NEK11: variants seen among roughly 807,000 people sequenced by gnomAD.
NEK11 encodes the protein NIMA related kinase 11.
Under a neutral mutation model 80.7 loss-of-function variants are expected in NEK11, and 72 were observed. The observed-to-expected ratio is 0.89, with a 90% CI of 0.74 to 1.08. The LOEUF (loss-of-function observed/expected upper bound fraction) is 1.08, where lower values mean the gene tolerates loss of function less well. Ranked by LOEUF, NEK11 falls within the 50% of genes least tolerant of loss-of-function variation. The pLI is 0.00. For synonymous variants in NEK11, 251 were observed against 260.7 expected, an observed-to-expected ratio of 0.96 and a Z score of 0.36; for missense variants, 764 against 763.6, an observed-to-expected ratio of 1.00 and a Z score of -0.01.
In NEK11 at chr3:131,151,741, C is replaced by T. The variant is rs536561544; in HGVS notation, c.648-647C>T. Among the ~76,000 whole-genome samples, 64 of 151,146 alleles carry T rather than the reference C, an allele frequency of 4.2e-4. No homozygotes were observed. The South Asian group carries it at 0.012, about 27-fold the overall frequency. The stretch of plus-strand genomic sequence containing the variant: ...ATGTAGAGTTATTTAAAATATTTTC[C>T]GGCTGGTTTAGAGGTTATTGATTTG... On this transcript the variant is annotated intron_variant, in intron 7 of 17. Transcript: ENST00000383366.
At chr3:131,061,904 C>T (rs540687187) in intron 3 of NEK11, among the ~76,000 whole-genome samples, 6 of 152,276 alleles carry the variant, frequency 3.9e-5, no homozygotes, top group African/African-American at 7.2e-5. Flanking sequence ...TCTTGAGGCC[C>T]CTCATTCTTG....
intron 5 of NEK11, among the ~76,000 whole-genome samples, chr3:131,131,213 A>G (rs2084413392): frequency 6.6e-6 from 1 of 152,184 alleles, no homozygotes; most frequent in African/African-American, 2.4e-5. Context: ...TTTGGTTTTA[A>G]TGTTAGGATG....
chr3:131,242,012 T>C (rs1276686987), intron 15 of NEK11, among the ~76,000 whole-genome samples: 1 of 152,160 alleles, frequency 6.6e-6, no homozygotes, highest in African/African-American at 2.4e-5. Flanking sequence ...CCTTCAGATA[T>C]GATAGTTTTT....
At chr3:131,232,057 A>G (rs1488682698) in intron 15 of NEK11, among the ~76,000 whole-genome samples, 1 of 152,162 alleles carries the variant, frequency 6.6e-6, no homozygotes, top group Non-Finnish European at 1.5e-5. Context: ...AGTTTTATTA[A>G]GCACCTAATT....
chr3:131,071,579 G>C (rs2148924645), intron 3 of NEK11, among the ~76,000 whole-genome samples: 2 of 151,894 alleles, frequency 1.3e-5, no homozygotes, highest in South Asian at 4.2e-4. Flanking sequence ...TAATAATTTT[G>C]AATTCTGATG....
chr3:131,132,968 C>G lies in NEK11; in HGVS notation c.520+159C>G, dbSNP rs76787052. 0.014 allele frequency among the ~76,000 whole-genome samples: 2,156 copies of G among 152,040 alleles called. 48 individuals carry two copies. The highest frequency in any genetic ancestry group is 0.05 in the African/African-American group (2,060 of 41,502). On this transcript the variant is annotated intron_variant, in intron 6 of 17. Coordinates refer to ENST00000383366, the MANE Select transcript of NEK11 (RefSeq NM_024800.5). ...AGTACATGTGCTGCTGAAATGAACA[C>G]TAAATTTCTCAGGTTTCTAGATGGG...
chr3:131,067,505 G>A (rs879842351), intron 3 of NEK11, among the ~76,000 whole-genome samples: 7 of 152,008 alleles, frequency 4.6e-5, no homozygotes, highest in African/African-American at 1.2e-4. Context: ...AATACCCCTC[G>A]TAATAGGCAA....
chr3:131,347,291 G>C (rs1469269771), intron 17 of NEK11, among the ~76,000 whole-genome samples: 1 of 152,180 alleles, frequency 6.6e-6, no homozygotes, highest in Non-Finnish European at 1.5e-5. Context: ...GTAAAATGAA[G>C]ACAAATGTTC....
chr3:131,337,060 T>C (rs2097197575), intron 17 of NEK11, among the ~76,000 whole-genome samples: 1 of 152,164 alleles, frequency 6.6e-6, no homozygotes, highest in Non-Finnish European at 1.5e-5. Flanking sequence ...AGTGTGGCAA[T>C]TCCTCAGGCA....
At chr3:131,157,490 A>C (rs2090871575) in intron 10 of NEK11, among the ~76,000 whole-genome samples, 1 of 152,160 alleles carries the variant, frequency 6.6e-6, no homozygotes, top group Non-Finnish European at 1.5e-5. Flanking sequence ...GCTGCAACAA[A>C]AATATCTACT....
At chr3:131,117,958 C>G (rs546122609) in intron 5 of NEK11, among the ~76,000 whole-genome samples, 1 of 152,168 alleles carries the variant, frequency 6.6e-6, no homozygotes, top group East Asian at 1.9e-4. Flanking sequence ...GATTGAATAC[C>G]CTTTATTTCT....
chr3:131,048,484 T>C (rs2067792063), intron 3 of NEK11, among the ~76,000 whole-genome samples: 1 of 152,246 alleles, frequency 6.6e-6, no homozygotes, highest in African/African-American at 2.4e-5. Context: ...CTGCTGCTTC[T>C]ACACCTGTAT....
At chr3:131,092,654 C>T (rs1017737586) in intron 4 of NEK11, among the ~76,000 whole-genome samples, 7 of 152,114 alleles carry the variant, frequency 4.6e-5, no homozygotes, top group Admixed American at 2.6e-4. Flanking sequence ...TTCTGGGCAA[C>T]GATAGCCTTT....
At chr3:131,110,024 A>C in intron 5 of NEK11, 103 bp downstream of exon 5, 1 of 1,192,204 alleles carries the variant, frequency 8.4e-7, no homozygotes, top group Non-Finnish European at 1.2e-6. Flanking sequence ...ACAAGTTCAA[A>C]AGGTATATGG....
At chr3:131,038,533 G>A (rs908272797) in intron 3 of NEK11, among the ~76,000 whole-genome samples, 5 of 152,134 alleles carry the variant, frequency 3.3e-5, no homozygotes, top group African/African-American at 4.8e-5. Flanking sequence ...AGAATGAGTA[G>A]GCTGCAGGGA....
intron 3 of NEK11, among the ~76,000 whole-genome samples, chr3:131,066,363 G>T (rs1407749256): frequency 1.3e-5 from 2 of 152,150 alleles, no homozygotes; most frequent in African/African-American, 4.8e-5. Context: ...GTGCCTTGGG[G>T]ACAGGGAGGG....
intron 3 of NEK11, among the ~76,000 whole-genome samples, chr3:131,079,045 A>T (rs1449041304): frequency 6.6e-6 from 1 of 151,892 alleles, no homozygotes; most frequent in Non-Finnish European, 1.5e-5. Context: ...ACAGCTGTTT[A>T]TTTTTGCAAC....
intron 14 of NEK11, among the ~76,000 whole-genome samples, chr3:131,220,154 T>C (rs760928455): frequency 4.6e-5 from 7 of 152,190 alleles, no homozygotes; most frequent in Non-Finnish European, 8.8e-5. Context: ...AAATTGTGCT[T>C]ACCTTATACA....
chr3:131,177,726 A>G (rs2093114096), intron 14 of NEK11, among the ~76,000 whole-genome samples: 1 of 152,208 alleles, frequency 6.6e-6, no homozygotes, highest in Non-Finnish European at 1.5e-5. Flanking sequence ...TGTCTTTGTT[A>G]ACAAGTCTTT....
Sources: allele counts gnomAD v4.1 joint callset (sites outside exome capture counted in the v4.1 genomes callset), GRCh38; gene constraint gnomAD v4.1.1; transcripts MANE v1.5; gene names NCBI Gene and HGNC (gene_info 2026-07-23, HGNC 2026-07-21).